Variants in SMCO2 observed in about 807,000 individuals in gnomAD.
SMCO2 encodes single-pass membrane and coiled-coil domain-containing protein 2.
In SMCO2, 25 loss-of-function variants were observed where a neutral mutation model predicts 29.5. That is an observed-to-expected ratio of 0.85 (90% CI 0.62 to 1.18). The LOEUF is 1.18. SMCO2 is among the 50% of genes most tolerant of loss of function. SMCO2 has a pLI of 0.00. For missense variants in SMCO2, 348 were observed against 344.5 expected (o/e 1.01, Z -0.08); for synonymous variants, 117 against 123.3 (o/e 0.95, Z 0.34).
the SMCO2 span, among the ~76,000 whole-genome samples, chr12:27,449,880 G>T: frequency 1.3e-5 from 2 of 152,160 alleles, no homozygotes; most frequent in African/African-American, 2.4e-5. Flanking sequence ...GCCTGGCTAC[G>T]TGGGTCCGAA....
the SMCO2 span, among the ~76,000 whole-genome samples, chr12:27,430,195 G>T: frequency 6.6e-6 from 1 of 152,122 alleles, no homozygotes; most frequent in East Asian, 1.9e-4. Context: ...ATGAAGTAAT[G>T]GTGGTGGTGG....
chr12:27,430,017 T>C, the SMCO2 span, among the ~76,000 whole-genome samples: 2 of 152,230 alleles, frequency 1.3e-5, no homozygotes, highest in Non-Finnish European at 2.9e-5. Flanking sequence ...TTGATCTAGC[T>C]GAAGTTTATT....
At chr12:27,478,210 G>A (rs1050172282) in intron 4 of SMCO2, among the ~76,000 whole-genome samples, 6 of 152,212 alleles carry the variant, frequency 3.9e-5, no homozygotes, top group Admixed American at 3.9e-4. Context: ...GTTCATCAGT[G>A]GCTTAGGCTG....
At chr12:27,470,601 T>C (rs1033681609) in intron 1 of SMCO2, 21 bp from the exon 2 acceptor site, 7 of 1,546,002 alleles carry the variant, frequency 4.5e-6, no homozygotes, top group East Asian at 4.9e-5. Flanking sequence ...ATCCCTCTTG[T>C]TGTCATTATT....
chr12:27,481,048 G>A (rs1015066513), intron 4 of SMCO2, among the ~76,000 whole-genome samples: 2 of 152,090 alleles, frequency 1.3e-5, no homozygotes, highest in Non-Finnish European at 1.5e-5. Context: ...AGAGTGCTGG[G>A]GACCTGACTG....
the SMCO2 span, among the ~76,000 whole-genome samples, chr12:27,441,136 G>A: frequency 6.6e-6 from 1 of 151,748 alleles, no homozygotes; most frequent in African/African-American, 2.4e-5. Context: ...GCACACGCCT[G>A]TAGTCCCAGC....
At chr12:27,480,110 T>G (rs1459774981) in intron 4 of SMCO2, among the ~76,000 whole-genome samples, 1 of 152,138 alleles carries the variant, frequency 6.6e-6, no homozygotes, top group Non-Finnish European at 1.5e-5. Context: ...CCAAAGAACC[T>G]GGAGGCTGAT....
chr12:27,485,450 G>GCTTTTTTTTTTTTTT (rs1484918113), intron 4 of SMCO2, among the ~76,000 whole-genome samples: 1 of 132,046 alleles, frequency 7.6e-6, no homozygotes, highest in African/African-American at 2.8e-5. Context: ...ATTTTTTTAA[G>GCTTTTTTTTTTTTTT]TTTTTTTTTT....
chr12:27,480,825 G>A (rs1949636337), intron 4 of SMCO2, among the ~76,000 whole-genome samples: 1 of 152,090 alleles, frequency 6.6e-6, no homozygotes, highest in South Asian at 2.1e-4. Flanking sequence ...TTGGTGCCAT[G>A]CCTGTACAGC....
chr12:27,463,513 C>T (rs763847349), upstream of SMCO2, among the ~76,000 whole-genome samples: 6 of 152,226 alleles, frequency 3.9e-5, 1 homozygote, highest in East Asian at 1.9e-4. Context: ...GTGATCTGCC[C>T]GCCTCAGCCT....
chr12:27,479,884 C>CAT (rs34156283), intron 4 of SMCO2, among the ~76,000 whole-genome samples: 18,228 of 152,104 alleles, frequency 0.12, 2,091 homozygotes, highest in African/African-American at 0.28. Flanking sequence ...CGCAGTCTCA[C>CAT]ACGTCTTTAC....
At chr12:27,498,388 A>G (rs1345977921) in intron 7 of SMCO2, 2 of 220,442 alleles carry the variant, frequency 9.1e-6, no homozygotes, top group South Asian at 8.3e-5. Context: ...TAGATGACTT[A>G]CTTCTGGTTC....
chr12:27,451,081 TG>T, the SMCO2 span, among the ~76,000 whole-genome samples: 11 of 152,252 alleles, frequency 7.2e-5, no homozygotes, highest in African/African-American at 2.7e-4. Flanking sequence ...CAAATATATC[TG>T]TCATTTATTT....
At chr12:27,469,731 C>T (rs1256459389) in intron 1 of SMCO2, among the ~76,000 whole-genome samples, 1 of 152,196 alleles carries the variant, frequency 6.6e-6, no homozygotes, top group Non-Finnish European at 1.5e-5. Flanking sequence ...TGTATCTATC[C>T]TTTCCCTACA....
the SMCO2 span, among the ~76,000 whole-genome samples, chr12:27,429,268 A>G: frequency 1.3e-5 from 2 of 152,120 alleles, no homozygotes; most frequent in Non-Finnish European, 2.9e-5. Context: ...CTAAGAAGAA[A>G]ATAAAAATCA....
At chr12:27,475,693 T>G (rs1420255781) in intron 4 of SMCO2, 1 of 1,549,008 alleles carries the variant, frequency 6.5e-7, no homozygotes, top group Admixed American at 2.0e-5. Flanking sequence ...TTGACAATAT[T>G]ATTAAAAAAA....
At chr12:27,451,370 G>A in the SMCO2 span, among the ~76,000 whole-genome samples, 29 of 152,148 alleles carry the variant, frequency 1.9e-4, 1 homozygote, top group African/African-American at 5.3e-4. Context: ...GGGTTATAAC[G>A]GTCATCCATT....
chr12:27,445,764 A>G, the SMCO2 span, among the ~76,000 whole-genome samples: 1 of 152,224 alleles, frequency 6.6e-6, no homozygotes, highest in Non-Finnish European at 1.5e-5. Flanking sequence ...TGGGTGGCTT[A>G]AACAACAGAA....
the SMCO2 span, among the ~76,000 whole-genome samples, chr12:27,459,397 C>T: frequency 6.6e-6 from 1 of 152,100 alleles, no homozygotes; most frequent in African/African-American, 2.4e-5. Context: ...CACATGTTCT[C>T]ACTTACAAGT....
Sources: gnomAD v4.1 joint callset for allele counts (sites outside exome capture counted in the v4.1 genomes callset) on GRCh38, gnomAD v4.1.1 for gene constraint, MANE v1.5 for transcripts, NCBI Gene and HGNC (gene_info 2026-07-23, HGNC 2026-07-21) for gene names.